The following PLXDC2 variants were observed in gnomAD, a reference collection of about 807,000 sequenced individuals.
PLXDC2 encodes the protein plexin domain containing 2, also known as plexin domain-containing protein 2.
In PLXDC2, 40 loss-of-function variants were observed where a neutral mutation model predicts 68.9. The ratio of observed to expected loss-of-function variants is 0.58; its 90% CI spans 0.45 to 0.76. The LOEUF (loss-of-function observed/expected upper bound fraction) is 0.76. Among genes scored for constraint, PLXDC2 ranks in the 30% least tolerant of loss-of-function variants. PLXDC2 has a pLI of 0.00. For synonymous variants in PLXDC2, 243 were observed against 234.2 expected (o/e 1.04, Z -0.34); for missense variants, 644 against 661.9 (o/e 0.97, Z 0.30).
intron 4 of PLXDC2, among the ~76,000 whole-genome samples, chr10:20,076,273 T>G (rs1395928106): frequency 6.6e-6 from 1 of 152,258 alleles, no homozygotes; most frequent in East Asian, 1.9e-4. Flanking sequence ...AGCCAGAAAT[T>G]GAGTTGCATT....
chr10:19,859,854 C>T lies in PLXDC2; in HGVS notation c.112+42663C>T, dbSNP rs527529752. Reference sequence around the variant, plus strand: ...TCAAGCGATTCTCGTGCCTCAGTCTCCCAAGTAGCTGGGATTACAGGTGCG... The same window carrying T: ...TCAAGCGATTCTCGTGCCTCAGTCTTCCAAGTAGCTGGGATTACAGGTGCG... On this transcript the variant is annotated intron_variant, in intron 1 of 13. Transcript: ENST00000377252. 3.3e-5 allele frequency among the ~76,000 whole-genome samples: 5 copies of T among 152,212 alleles called. No homozygotes were observed. The South Asian group carries it at 1.0e-3, about 32-fold the overall frequency.
Position 20,245,267 on chromosome 10 carries a change from C to T in PLXDC2, c.1313-78C>T, listed in dbSNP as rs961042539. 22 of 1,458,820 alleles carry T rather than the reference C, an allele frequency of 1.5e-5. No individual in the cohort carries two copies. In the African/African-American group the frequency reaches 2.9e-4, roughly 19 times the overall value. The allele number at this position is 1,458,820 out of a possible 1,614,324, so 90.4% of individuals were successfully genotyped here. A position where few individuals can be genotyped will look rare whatever the true frequency, so the allele number is the denominator to read the frequency against. The stretch of plus-strand genomic sequence containing the variant: ...AGATCCAGTCGTACTTTATTAAAAA[C>T]ACAAATATCTCCTCAGATGAAAATG... On this transcript the variant is annotated intron_variant, in intron 12 of 13. Transcript: ENST00000377252.
chr10:19,868,373 G>A (rs187378145), intron 1 of PLXDC2, among the ~76,000 whole-genome samples: 2 of 152,246 alleles, frequency 1.3e-5, no homozygotes. Context: ...AGATTTGGAA[G>A]CTTAGTCTAG....
intron 4 of PLXDC2, among the ~76,000 whole-genome samples, chr10:20,079,194 G>A (rs1836506660): frequency 2.6e-5 from 4 of 152,212 alleles, no homozygotes; most frequent in Admixed American, 2.0e-4. Flanking sequence ...ATTGGGCAAA[G>A]GATATGAACA....
chr10:20,265,325 C>T (rs913565004), intron 13 of PLXDC2, among the ~76,000 whole-genome samples: 36 of 152,244 alleles, frequency 2.4e-4, no homozygotes, highest in African/African-American at 8.7e-4. Flanking sequence ...TCTGCCAGAA[C>T]TCAGAATGCA....
chr10:19,978,492 AC>A (rs1834496367), intron 1 of PLXDC2, among the ~76,000 whole-genome samples: 2 of 152,342 alleles, frequency 1.3e-5, no homozygotes, highest in South Asian at 4.1e-4. Context: ...AATATTCTAT[AC>A]AATCTTTTTT....
At chr10:20,132,381 G>A (rs929521982) in intron 4 of PLXDC2, among the ~76,000 whole-genome samples, 15 of 152,076 alleles carry the variant, frequency 9.9e-5, no homozygotes, top group Non-Finnish European at 1.3e-4. Flanking sequence ...AGTCTTGTTC[G>A]TGTCTTCTGT....
At chr10:20,177,284 GT>G in intron 8 of PLXDC2, 43 bp from the exon 9 acceptor site, 1 of 1,484,884 alleles carries the variant, frequency 6.7e-7, no homozygotes, top group Non-Finnish European at 9.4e-7. Flanking sequence ...TCCCCTCCAA[GT>G]TGCCTGTTAG....
intron 3 of PLXDC2, among the ~76,000 whole-genome samples, chr10:20,050,682 A>G (rs140738255): frequency 1.2e-3 from 189 of 152,080 alleles, no homozygotes; most frequent in African/African-American, 4.3e-3. Flanking sequence ...TAGAATGGCT[A>G]TTATTAAAAA....
chr10:20,160,755 A>G (rs7919470), intron 6 of PLXDC2, among the ~76,000 whole-genome samples: 90,876 of 152,036 alleles, frequency 0.6, 27,704 homozygotes, highest in African/African-American at 0.69. Context: ...AGAATGAAAA[A>G]AAAATGCTGC....
chr10:20,095,008 A>G (rs533072265), intron 4 of PLXDC2, among the ~76,000 whole-genome samples: 1 of 152,360 alleles, frequency 6.6e-6, no homozygotes, highest in East Asian at 1.9e-4. Context: ...GTCTAATAGA[A>G]ATGTAATGTG....
At chr10:20,100,274 T>C (rs1362789635) in intron 4 of PLXDC2, among the ~76,000 whole-genome samples, 1 of 152,238 alleles carries the variant, frequency 6.6e-6, no homozygotes, top group African/African-American at 2.4e-5. Flanking sequence ...TCCTGTTCTT[T>C]CTCACTGGAC....
At chr10:20,044,210 TG>T (rs1411130100) in intron 2 of PLXDC2, among the ~76,000 whole-genome samples, 15 of 91,912 alleles carry the variant, frequency 1.6e-4, no homozygotes, top group East Asian at 3.6e-4. Context: ...TCTCTCTCTC[TG>T]TCTTTCTTTC....
chr10:19,990,740 T>A (rs981014292), intron 1 of PLXDC2, among the ~76,000 whole-genome samples: 15 of 152,204 alleles, frequency 9.9e-5, no homozygotes, highest in African/African-American at 2.7e-4. Flanking sequence ...ATGTAATCAG[T>A]GTAAATATAT....
At chr10:20,217,403 T>C in intron 10 of PLXDC2, 23 bp from the exon 11 acceptor site, 1 of 1,598,308 alleles carries the variant, frequency 6.3e-7, no homozygotes, top group Admixed American at 1.7e-5. Context: ...TCCATTTGTT[T>C]TCCTTTTCTT....
intron 1 of PLXDC2, among the ~76,000 whole-genome samples, chr10:19,818,798 A>G (rs942546089): frequency 1.3e-5 from 2 of 152,166 alleles, no homozygotes; most frequent in African/African-American, 2.4e-5. Flanking sequence ...AGTAATTTTC[A>G]TGTACTTATT....
intron 1 of PLXDC2, among the ~76,000 whole-genome samples, chr10:19,992,574 C>G (rs1834767835): frequency 6.6e-6 from 1 of 152,082 alleles, no homozygotes; most frequent in African/African-American, 2.4e-5. Flanking sequence ...ATAACAAGTG[C>G]TAAAATTGTC....
intron 4 of PLXDC2, among the ~76,000 whole-genome samples, chr10:20,103,127 G>A (rs1833444254): frequency 6.6e-6 from 1 of 152,186 alleles, no homozygotes; most frequent in Admixed American, 6.5e-5. Context: ...GGTTAATGCA[G>A]CCATCAGGGA....
rs1833476158 is a variant in PLXDC2, at chr10:20,105,201, G to A, written c.541+36962G>A. On this transcript the variant is annotated intron_variant, in intron 4 of 13. Coordinates refer to ENST00000377252, the MANE Select transcript of PLXDC2 (RefSeq NM_032812.9). ...CACCCGCCTTTTATTGGCATATGGT[G>A]AAATAGTATTCATTTTCGTATTACT... Among the ~76,000 whole-genome samples, 4 of 152,120 alleles carry A rather than the reference G, an allele frequency of 2.6e-5. 1 individual carries two copies. The South Asian group carries it at 6.2e-4, about 24-fold the overall frequency.
Sources: gnomAD v4.1 joint callset for allele counts (sites outside exome capture counted in the v4.1 genomes callset) on GRCh38, gnomAD v4.1.1 for gene constraint, MANE v1.5 for transcripts, NCBI Gene and HGNC (gene_info 2026-07-23, HGNC 2026-07-21) for gene names.